Variants in GPATCH3 observed in about 807,000 individuals in gnomAD.
The protein encoded by GPATCH3 is G-patch domain containing 3.
A neutral mutation model predicts 53.2 loss-of-function variants in GPATCH3; 45 were observed. The ratio of observed to expected loss-of-function variants is 0.85; its 90% CI spans 0.67 to 1.08. The LOEUF is 1.08. GPATCH3 is among the 50% of genes least tolerant of loss of function. The probability of loss-of-function intolerance (pLI) is 0.00; values close to 1 mark genes in which losing one functional copy is unlikely to be tolerated. For missense variants in GPATCH3, 680 were observed against 687.2 expected (o/e 0.99, Z 0.12); for synonymous variants, 280 against 270.6 (o/e 1.03, Z -0.34).
At position 26,892,468 on chromosome 1, in the gene GPATCH3, CCT is replaced by C; in HGVS notation, c.1302_1303del (p.Val436AlafsTer2). The stretch of plus-strand genomic sequence containing the variant: ...ATCACTATCCAGGGCCTCAGGCACC[CCT>C]GAGCACCTGCAGCCCAGGCCCTGGC... On this transcript the variant is annotated frameshift_variant, in exon 6 of 7. Transcript: ENST00000361720. LOFTEE classifies it high-confidence loss of function. The C allele has an allele frequency of 6.2e-7, 1 of 1,613,952 alleles. No individual in the cohort carries two copies. Among genetic ancestry groups the C allele is most frequent in the Non-Finnish European group, 8.5e-7 (1 of 1,179,860 alleles).
rs1557659330 is a variant in GPATCH3 at position 26,892,672 on chromosome 1, T to C, written c.1231A>G (p.Lys411Glu). ...RQVGTFERHT[K>E]GIGRKVMERQ... The stretch of plus-strand genomic sequence containing the variant: ...GGGTGGGCACAGTGCTAACTCACCT[T>C]GGTGTGGCGCTCAAAGGTGCCCACC... The change falls in exon 5 of 7, where the codon AAG (lysine) becomes GAG (glutamate). Residue 411 changes from lysine (K) to glutamate (E), a missense_variant and splice_region_variant. Lys to Glu is a moderately conservative substitution (Grantham distance 56, BLOSUM62 1). Transcript: ENST00000361720. The C allele has an allele frequency of 1.9e-6, 3 of 1,614,126 alleles. No homozygotes were observed. Among genetic ancestry groups the C allele is most frequent in the Non-Finnish European group, 1.7e-6 (2 of 1,180,024 alleles).
chr1:26,894,526 C>A, intron 2 of GPATCH3, 116 bp from the exon 3 acceptor site: 1 of 976,388 alleles, frequency 1.0e-6, no homozygotes, highest in Non-Finnish European at 1.6e-6. Flanking sequence ...CTTCAGATTT[C>A]TCCAAGAAGC....
At chr1:26,895,779 G>T (rs1207846323) in intron 2 of GPATCH3, among the ~76,000 whole-genome samples, 2 of 151,914 alleles carry the variant, frequency 1.3e-5, no homozygotes, top group Non-Finnish European at 2.9e-5. Context: ...TAGGACTACA[G>T]GCACCACGCC....
Position 26,890,993 on chromosome 1 carries a change from G to C in GPATCH3, c.*17C>G. On this transcript the variant is annotated 3_prime_UTR_variant, in exon 7 of 7. Transcript: ENST00000361720. ...GGGTTTTCATCATGTAGCTATGAAA[G>C]GAAGCCCCCAACCCGGTCAGTCAGG... is the stretch of plus-strand genomic sequence containing the variant. The C allele has an allele frequency of 6.2e-7, 1 of 1,609,804 alleles. No homozygotes were observed. Among genetic ancestry groups the C allele is most frequent in the Non-Finnish European group, 8.5e-7 (1 of 1,176,218 alleles).
chr1:26,897,667 A>C lies in GPATCH3; in HGVS notation c.510T>G (p.Asn170Lys). The C allele has an allele frequency of 6.2e-7, 1 of 1,614,160 alleles. No individual in the cohort carries two copies. Among genetic ancestry groups the C allele is most frequent in the Non-Finnish European group, 8.5e-7 (1 of 1,180,008 alleles). Residue 170 changes from asparagine to lysine, a missense_variant, in exon 2 of 7, where the codon AAT (asparagine) becomes AAG (lysine). Coordinates refer to ENST00000361720, the MANE Select transcript of GPATCH3 (RefSeq NM_022078.3). ...RKELQSWKAE[N>K]EAFTLADLKQ... ...TCAGGTCAGCCAGGGTGAAGGCTTC[A>C]TTCTCTGCCTTCCAACTCTGCAGTT...
At chr1:26,892,981 T>C (rs1421311473) in intron 4 of GPATCH3, 190 bp from the exon 5 acceptor site, 9 of 653,768 alleles carry the variant, frequency 1.4e-5, no homozygotes, top group Non-Finnish European at 2.3e-5. Context: ...AAGATTGTGG[T>C]GCAGAAAAGT....
Position 26,891,071 on chromosome 1 carries a change from G to A in GPATCH3, c.1517C>T (p.Thr506Ile). Residue 506 changes from threonine (T) to isoleucine (I), a missense_variant, in exon 7 of 7, where the codon ACA (threonine) becomes ATA (isoleucine). Coordinates refer to ENST00000361720, the MANE Select transcript of GPATCH3 (RefSeq NM_022078.3). ...RQPPTSMKFRTDMAFVRGSSC... is the reference protein window; with the variant it reads ...RQPPTSMKFRIDMAFVRGSSC... ...GGAACCCCTCACAAAGGCCATGTCTGTCCGAAACTTCATGCTGGTGGGTGG... is the reference window on the plus strand; with the variant it reads ...GGAACCCCTCACAAAGGCCATGTCTATCCGAAACTTCATGCTGGTGGGTGG... 6.2e-7 allele frequency: 1 copy of A among 1,614,160 alleles called. No individual in the cohort carries two copies. Among genetic ancestry groups the A allele is most frequent in the South Asian group, 1.1e-5 (1 of 91,072 alleles).
intron 2 of GPATCH3, among the ~76,000 whole-genome samples, chr1:26,895,241 G>A (rs1460393467): frequency 6.6e-6 from 1 of 152,090 alleles, no homozygotes; most frequent in Non-Finnish European, 1.5e-5. Flanking sequence ...AAGTCAGGAT[G>A]GGGCCAGACG....
At chr1:26,892,951 TC>T (rs1260617788) in intron 4 of GPATCH3, 160 bp from the exon 5 acceptor site, 5 of 770,246 alleles carry the variant, frequency 6.5e-6, no homozygotes, top group Non-Finnish European at 1.1e-5. Context: ...ACCATGGCTC[TC>T]CCCAATCATA....
At position 26,897,483 on chromosome 1, in the gene GPATCH3, A is replaced by G. The variant is rs781516406; in HGVS notation, c.694T>C (p.Tyr232His). 1 of 1,614,228 alleles carries G rather than the reference A, an allele frequency of 6.2e-7. No individual in the cohort carries two copies. Among genetic ancestry groups the G allele is most frequent in the Admixed American group, 1.7e-5 (1 of 60,022 alleles). Reference protein sequence around the residue: ...QFPKTGSSRRYGNVPFEYEDS... With the variant: ...QFPKTGSSRRHGNVPFEYEDS... ...TCATACTCAAAAGGCACATTGCCGT[A>G]GCGCCGGGAGGAACCTGTCTTGGGG... The change falls in exon 2 of 7, where the codon TAC becomes CAC. Residue 232 changes from tyrosine to histidine, a missense_variant. Coordinates refer to ENST00000361720, the MANE Select transcript of GPATCH3 (RefSeq NM_022078.3).
rs758825388 is a variant in GPATCH3, at chr1:26,900,431, G to A, written c.12C>T (p.Pro4=). The change falls in exon 1 of 7, where the codon CCC becomes CCT. Residue 4 remains proline, a synonymous_variant. Coordinates refer to ENST00000361720, the MANE Select transcript of GPATCH3 (RefSeq NM_022078.3). The stretch of plus-strand genomic sequence containing the variant: ...CTGTCGCCTCCTCCTCCGCCTCGCC[G>A]GGCACCGCCATCTTGGATTGTCACA... MAV[P]GEAEEEATVY... is the part of the protein sequence containing the mutation. The A allele has an allele frequency of 6.2e-7, 1 of 1,609,024 alleles. No homozygotes were observed. Among genetic ancestry groups the A allele is most frequent in the Non-Finnish European group, 8.5e-7 (1 of 1,176,702 alleles).
In GPATCH3 at chr1:26,900,355, G is replaced by T. The variant is rs747164969; in HGVS notation, c.88C>A (p.Arg30=). Residue 30 remains arginine (R), a synonymous_variant, in exon 1 of 7, where the codon CGG becomes AGG. Transcript: ENST00000361720. ...IPSVLRSAHL[R]SYFSQFREER... ...TCTCGGAACTGGCTAAAATAGCTCC[G>T]TAAATGGGCCGAGCGCAACACGGAG... The T allele has an allele frequency of 9.3e-6, 15 of 1,613,948 alleles. No individual in the cohort carries two copies. The highest frequency in any genetic ancestry group is 1.6e-4 in the Middle Eastern group (1 of 6,082).
In GPATCH3 at chr1:26,892,851, G is replaced by A. The variant is rs1440673379; in HGVS notation, c.1112-60C>T. 3 of 1,591,454 alleles carry A rather than the reference G, an allele frequency of 1.9e-6. No homozygotes were observed. The African/African-American group carries it at 4.0e-5, about 21-fold the overall frequency. On this transcript the variant is annotated intron_variant, in intron 4 of 6. Coordinates refer to ENST00000361720, the MANE Select transcript of GPATCH3 (RefSeq NM_022078.3). The stretch of plus-strand genomic sequence containing the variant: ...CTCTCAAAGAAGGGGGAAGAATCAG[G>A]TTTCTAGGACCCCCTCGTAAGATTG...
rs750210121 is a variant in GPATCH3, at chr1:26,894,349, T to C, written c.938A>G (p.Gln313Arg). The change falls in exon 3 of 7, where the codon CAG becomes CGG. Residue 313 changes from glutamine to arginine, a missense_variant. By Grantham distance (43) the Gln-to-Arg change is conservative. Coordinates refer to ENST00000361720, the MANE Select transcript of GPATCH3 (RefSeq NM_022078.3). ...AAAGAGCTGCTCAGTGGTCCGCTCC[T>C]GCCCGGTCACGTCCTCATGCAGCGC... ...HEALHEDVTG[Q>R]ERTTEQLFEE... The C allele has an allele frequency of 1.2e-6, 2 of 1,614,156 alleles. No homozygotes were observed. Among genetic ancestry groups the C allele is most frequent in the East Asian group, 2.2e-5 (1 of 44,876 alleles).
In GPATCH3 at chr1:26,892,774, C is replaced by T; in HGVS notation, c.1129G>A (p.Ala377Thr). 1 of 1,614,084 alleles carries T rather than the reference C, an allele frequency of 6.2e-7. No individual in the cohort carries two copies. ...AGACGCATTTGGACAGAGTCTCGGG[C>T]ATCCTTGTCTCCACCATCTGAGGAA... Reference protein sequence around the residue: ...YYDRDGGDKDARDSVQMRLEQ... With the variant: ...YYDRDGGDKDTRDSVQMRLEQ... Residue 377 changes from alanine (A) to threonine (T), a missense_variant, in exon 5 of 7, where the codon GCC becomes ACC. Ala to Thr is a moderately conservative substitution (Grantham distance 58). Transcript: ENST00000361720.
chr1:26,890,599 C>T lies in GPATCH3; in HGVS notation c.*411G>A, dbSNP rs2081919318. 2 of 370,776 alleles carry T rather than the reference C, an allele frequency of 5.4e-6. No individual in the cohort carries two copies. Among genetic ancestry groups the T allele is most frequent in the African/African-American group, 2.1e-5 (1 of 47,506 alleles). The allele number at this position is 370,776 out of a possible 1,614,324, so 23.0% of individuals were successfully genotyped here. A position where few individuals can be genotyped will look rare whatever the true frequency, so the allele number is the denominator to read the frequency against. On this transcript the variant is annotated 3_prime_UTR_variant, in exon 7 of 7. Coordinates refer to ENST00000361720, the MANE Select transcript of GPATCH3 (RefSeq NM_022078.3). Reference sequence around the variant, plus strand: ...AGGGTAGAGGCGGTGGAGGGCCCACCCAAGGCCGGCTCTTCCAAGCACCAC... The same window carrying T: ...AGGGTAGAGGCGGTGGAGGGCCCACTCAAGGCCGGCTCTTCCAAGCACCAC...
intron 2 of GPATCH3, among the ~76,000 whole-genome samples, chr1:26,895,209 T>C (rs1152981): frequency 0.81 from 123,474 of 152,032 alleles, 50,930 homozygotes; most frequent in East Asian, 0.96. Flanking sequence ...TGAAACCCTG[T>C]AGGCCTTCAA....
chr1:26,891,011 C>A lies in GPATCH3; in HGVS notation c.1577G>T (p.Ter526LeuextTer11). Residue 526 changes from the stop codon to leucine (L), a stop_lost, in exon 7 of 7, where the codon TGA (stop) becomes TTA (leucine). Transcript: ENST00000361720. ...CASDSPSLPD[*>L] ...TATGAAAGGAAGCCCCCAACCCGGT[C>A]AGTCAGGCAATGAGGGGCTGTCTGA... is the stretch of plus-strand genomic sequence containing the variant. The A allele has an allele frequency of 6.2e-7, 1 of 1,613,650 alleles. No individual in the cohort carries two copies. The highest frequency in any genetic ancestry group is 1.1e-5 in the South Asian group (1 of 91,010).
rs1355996071 is a variant in GPATCH3, at chr1:26,891,067, G to T, written c.1521C>A (p.Asp507Glu). 6.2e-7 allele frequency: 1 copy of T among 1,614,178 alleles called. No individual in the cohort carries two copies. The highest frequency in any genetic ancestry group is 8.5e-7 in the Non-Finnish European group (1 of 1,180,026). ...QPPTSMKFRT[D>E]MAFVRGSSCA... ...AACTGGAACCCCTCACAAAGGCCAT[G>T]TCTGTCCGAAACTTCATGCTGGTGG... is the stretch of plus-strand genomic sequence containing the variant. The change falls in exon 7 of 7, where the codon GAC becomes GAA. Residue 507 changes from aspartate to glutamate, a missense_variant. Asp to Glu is a conservative substitution (Grantham distance 45). Transcript: ENST00000361720.
Sources: allele counts gnomAD v4.1 joint callset (sites outside exome capture counted in the v4.1 genomes callset), GRCh38; gene constraint gnomAD v4.1.1; transcripts MANE v1.5; gene names NCBI Gene and HGNC (gene_info 2026-07-23, HGNC 2026-07-21).